ADGRV1: variants seen among roughly 807,000 people sequenced by gnomAD.
ADGRV1 encodes the protein G-protein coupled receptor 98.
Under a neutral mutation model 596.2 loss-of-function variants are expected in ADGRV1, and 359 were observed. The ratio of observed to expected loss-of-function variants is 0.60; its 90% CI spans 0.55 to 0.66. ADGRV1 has a LOEUF of 0.66. Ranked by LOEUF, ADGRV1 falls within the 30% of genes least tolerant of loss-of-function variation. The pLI is 0.00. For synonymous variants in ADGRV1, 2,681 were observed against 2,679.2 expected, an observed-to-expected ratio of 1.00 and a Z score of -0.02; for missense variants, 7,274 against 7,575.6, an observed-to-expected ratio of 0.96 and a Z score of 1.48.
At chr5:90,992,655 C>G (rs943683715) in intron 85 of ADGRV1, among the ~76,000 whole-genome samples, 2 of 152,248 alleles carry the variant, frequency 1.3e-5, no homozygotes, top group Admixed American at 6.5e-5. Flanking sequence ...AGGAAGCTAT[C>G]TCTTTTAGAT....
At chr5:90,576,083 A>G (rs1012917573) in intron 1 of ADGRV1, among the ~76,000 whole-genome samples, 1 of 152,072 alleles carries the variant, frequency 6.6e-6, no homozygotes, top group African/African-American at 2.4e-5. Flanking sequence ...ACATCCCAGC[A>G]CTGCTTCCAG....
At chr5:91,027,901 C>T (rs1784147061) in intron 85 of ADGRV1, among the ~76,000 whole-genome samples, 1 of 152,090 alleles carries the variant, frequency 6.6e-6, no homozygotes, top group East Asian at 1.9e-4. Flanking sequence ...GGTTTTTAAG[C>T]TTTACCAAGC....
In ADGRV1 at chr5:90,634,013, G is replaced by A. The variant is rs116726362; in HGVS notation, c.1840-1101G>A. Among the ~76,000 whole-genome samples the A allele has an allele frequency of 7.3e-3, 1,119 of 152,266 alleles. 13 individuals are homozygous for A. Among genetic ancestry groups the A allele is most frequent in the African/African-American group, 0.026 (1,067 of 41,550 alleles). The stretch of plus-strand genomic sequence containing the variant: ...TCACAGGTCTACTGGTGATTACTTA[G>A]TGTCATCATTTCAATATTATAAAGC... On this transcript the variant is annotated intron_variant, in intron 9 of 89. Transcript: ENST00000405460.
chr5:90,813,124 C>T (rs772328245), intron 74 of ADGRV1, among the ~76,000 whole-genome samples: 1 of 17,664 alleles, frequency 5.7e-5, no homozygotes, highest in Non-Finnish European at 2.4e-4. Context: ...CAGAGTAAGA[C>T]TCCGTCTCAA....
At chr5:91,045,783 C>T (rs758702350) in intron 85 of ADGRV1, among the ~76,000 whole-genome samples, 1 of 152,148 alleles carries the variant, frequency 6.6e-6, no homozygotes, top group Non-Finnish European at 1.5e-5. Flanking sequence ...CCTAAAGACT[C>T]CTCCAGAAAG....
chr5:91,031,011 G>A (rs989774387), intron 85 of ADGRV1: 6 of 1,486,694 alleles, frequency 4.0e-6, no homozygotes, highest in Non-Finnish European at 5.4e-6. Context: ...GTAGTCTGCT[G>A]ATCTGATTAG....
At chr5:90,648,259 C>T (rs983722227) in intron 17 of ADGRV1, among the ~76,000 whole-genome samples, 6 of 152,172 alleles carry the variant, frequency 3.9e-5, no homozygotes, top group African/African-American at 1.4e-4. Context: ...AAGATGTGTT[C>T]GTCCTTCTCC....
chr5:91,081,559 G>A (rs945430438), intron 86 of ADGRV1, among the ~76,000 whole-genome samples: 1 of 152,052 alleles, frequency 6.6e-6, no homozygotes, highest in African/African-American at 2.4e-5. Flanking sequence ...CGAGGCAGGT[G>A]AATCATCTGA....
At position 90,672,602 on chromosome 5, in the gene ADGRV1, G is replaced by C. The variant is rs1275751880; in HGVS notation, c.4809G>C (p.Leu1603=). Reference sequence around the variant, plus strand: ...TGGTTGAGAGAACCAGAGGAGCTCTGGATTATGTGCATGTTTTTTACACCA... The same window carrying C: ...TGGTTGAGAGAACCAGAGGAGCTCTCGATTATGTGCATGTTTTTTACACCA... The part of the protein sequence containing the change: ...SCVVERTRGA[L]DYVHVFYTIS... Residue 1603 remains leucine, a synonymous_variant, in exon 22 of 90, where the codon CTG becomes CTC. Transcript: ENST00000405460. 6.2e-7 allele frequency: 1 copy of C among 1,613,536 alleles called. No individual in the cohort carries two copies. The highest frequency in any genetic ancestry group is 8.5e-7 in the Non-Finnish European group (1 of 1,179,678).
chr5:90,613,526 A>G (rs779057357), intron 1 of ADGRV1, among the ~76,000 whole-genome samples: 2 of 152,148 alleles, frequency 1.3e-5, no homozygotes, highest in Non-Finnish European at 2.9e-5. Context: ...CAGCTGGTCA[A>G]GGAAAACTCT....
intron 21 of ADGRV1, among the ~76,000 whole-genome samples, chr5:90,668,370 T>G (rs1488629977): frequency 6.6e-6 from 1 of 150,876 alleles, no homozygotes; most frequent in African/African-American, 2.4e-5. Flanking sequence ...GTGACCCGAT[T>G]TTCCAGGTGC....
intron 85 of ADGRV1, chr5:91,031,335 A>G (rs1581842582): frequency 2.3e-6 from 3 of 1,297,326 alleles, no homozygotes; most frequent in East Asian, 2.3e-5. Flanking sequence ...AACAGATACA[A>G]TCCCACTCCA....
At chr5:90,726,155 T>C (rs898103390) in intron 48 of ADGRV1, among the ~76,000 whole-genome samples, 4 of 152,222 alleles carry the variant, frequency 2.6e-5, no homozygotes, top group Admixed American at 2.6e-4. Flanking sequence ...AAAGGGGTAT[T>C]ATTCATTTTC....
chr5:90,867,362 C>T (rs1314238104), intron 83 of ADGRV1, among the ~76,000 whole-genome samples: 1 of 152,010 alleles, frequency 6.6e-6, no homozygotes. Flanking sequence ...TGTATAAGTC[C>T]GTACATTAAC....
chr5:90,620,097 A>G (rs551333257), intron 4 of ADGRV1, among the ~76,000 whole-genome samples: 10,502 of 150,290 alleles, frequency 0.07, 452 homozygotes, highest in South Asian at 0.11. Flanking sequence ...ATGATTTATA[A>G]TCCTTTGGGT....
chr5:90,652,696 T>G, intron 19 of ADGRV1, 133 bp downstream of exon 19: 1 of 607,786 alleles, frequency 1.6e-6, no homozygotes, highest in Non-Finnish European at 2.8e-6. Context: ...TATCTGATTT[T>G]AAATGTTAAA....
intron 83 of ADGRV1, among the ~76,000 whole-genome samples, chr5:90,932,106 G>T (rs1213772773): frequency 6.6e-6 from 1 of 152,102 alleles, no homozygotes; most frequent in Non-Finnish European, 1.5e-5. Flanking sequence ...TATTTTCTTC[G>T]TGGGTAAATC....
intron 82 of ADGRV1, among the ~76,000 whole-genome samples, chr5:90,857,391 A>T (rs930661868): frequency 2.7e-5 from 4 of 147,622 alleles, no homozygotes; most frequent in African/African-American, 7.4e-5. Context: ...ACTGAATATA[A>T]AAAAAAAAAG....
At chr5:90,980,375 C>T (rs1450581605) in intron 84 of ADGRV1, among the ~76,000 whole-genome samples, 1 of 152,096 alleles carries the variant, frequency 6.6e-6, no homozygotes, top group Non-Finnish European at 1.5e-5. Context: ...GAGACTATAT[C>T]GTATCTGTTT....
Sources: allele counts gnomAD v4.1 joint callset (sites outside exome capture counted in the v4.1 genomes callset), GRCh38; gene constraint gnomAD v4.1.1; transcripts MANE v1.5; gene names NCBI Gene and HGNC (gene_info 2026-07-23, HGNC 2026-07-21).